The following TNPO1 variants were observed in gnomAD, a reference collection of about 807,000 sequenced individuals.
The protein encoded by TNPO1 is transportin-1.
TNPO1 carries 8 observed loss-of-function variants against 119.5 expected under a neutral mutation model. That is an observed-to-expected ratio of 0.07 (90% CI 0.04 to 0.12). The LOEUF (loss-of-function observed/expected upper bound fraction) is 0.12. TNPO1 is among the 10% of genes least tolerant of loss of function. The pLI, the probability that TNPO1 is intolerant of heterozygous loss-of-function variation, is 1.00. For missense variants in TNPO1, 576 were observed against 1,089.8 expected, an observed-to-expected ratio of 0.53 and a Z score of 6.64; for synonymous variants, 362 against 363.0, an observed-to-expected ratio of 1.00 and a Z score of 0.03.
intron 5 of TNPO1, among the ~76,000 whole-genome samples, 161 bp from the exon 6 acceptor site, chr5:72,865,435 C>T (rs1746807842): frequency 6.7e-6 from 1 of 149,544 alleles, no homozygotes; most frequent in Non-Finnish European, 1.5e-5. Flanking sequence ...AAGACTCCGT[C>T]TCAAAAAAAA....
chr5:72,868,962 C>T (rs556519467), intron 6 of TNPO1, among the ~76,000 whole-genome samples: 4 of 151,724 alleles, frequency 2.6e-5, no homozygotes, highest in South Asian at 4.2e-4. Context: ...GAGCCGAGAT[C>T]GTGCCATTGC....
intron 1 of TNPO1, among the ~76,000 whole-genome samples, chr5:72,834,140 G>A (rs1744592875): frequency 6.6e-6 from 1 of 151,938 alleles, no homozygotes; most frequent in Admixed American, 6.5e-5. Flanking sequence ...TGTCTGCGGT[G>A]GCCCTGGTGT....
intron 12 of TNPO1, 98 bp from the exon 13 acceptor site, chr5:72,887,980 A>G: frequency 8.6e-7 from 1 of 1,162,266 alleles, no homozygotes. Flanking sequence ...CAGTAGAAAT[A>G]TTCTGAATTT....
chr5:72,893,886 C>A (rs1236997640), intron 18 of TNPO1, among the ~76,000 whole-genome samples, 183 bp downstream of exon 18: 1 of 152,152 alleles, frequency 6.6e-6, no homozygotes, highest in Non-Finnish European at 1.5e-5. Context: ...CTAATATTTC[C>A]TTGAGCTTGC....
chr5:72,855,664 G>A (rs540469235), intron 3 of TNPO1, 110 bp from the exon 4 acceptor site: 14 of 869,778 alleles, frequency 1.6e-5, no homozygotes, highest in Non-Finnish European at 2.4e-5. Context: ...ACTGGTTATA[G>A]CAAGTTTGAA....
At chr5:72,860,053 A>G (rs1746311147) in intron 4 of TNPO1, among the ~76,000 whole-genome samples, 1 of 152,174 alleles carries the variant, frequency 6.6e-6, no homozygotes, top group Admixed American at 6.5e-5. Flanking sequence ...AATTCTTACT[A>G]TACAATTTAA....
At chr5:72,841,906 A>AT (rs1287395153) in intron 1 of TNPO1, among the ~76,000 whole-genome samples, 1 of 150,532 alleles carries the variant, frequency 6.6e-6, no homozygotes, top group Admixed American at 6.6e-5. Flanking sequence ...TATAAGAGAG[A>AT]TTTTCTGTGG....
Position 72,896,478 on chromosome 5 carries a change from G to A in TNPO1, c.2164G>A (p.Gly722Arg). ...PCIADFMPIL[G>R]TNLNPEFISV... is the part of the protein sequence containing the mutation. ...TCTAGCTGATTTCATGCCAATATTG[G>A]GAACCAACCTAAATCCAGAATTCAT... The change falls in exon 19 of 25, where the codon GGA becomes AGA. Residue 722 changes from glycine to arginine, a missense_variant. Around this residue, in one of 6 missense-constraint regions of TNPO1, gnomAD observed 162 missense variants for 294.1 expected, o/e 0.55. Transcript: ENST00000337273. 6.2e-7 allele frequency: 1 copy of A among 1,611,602 alleles called. No individual in the cohort carries two copies. The highest frequency in any genetic ancestry group is 8.5e-7 in the Non-Finnish European group (1 of 1,179,358).
chr5:72,907,189 A>T (rs564940936), intron 24 of TNPO1, among the ~76,000 whole-genome samples: 1 of 152,162 alleles, frequency 6.6e-6, no homozygotes, highest in South Asian at 2.1e-4. Flanking sequence ...CATTTTGGAA[A>T]AGTGCTGGAT....
intron 23 of TNPO1, among the ~76,000 whole-genome samples, chr5:72,904,561 C>A (rs546968221): frequency 6.6e-6 from 1 of 152,052 alleles, no homozygotes; most frequent in Non-Finnish European, 1.5e-5. Context: ...TTTGGGAGGC[C>A]GAGGCAGGTG....
chr5:72,818,861 CAG>C (rs1273473558), intron 1 of TNPO1, among the ~76,000 whole-genome samples: 1 of 152,186 alleles, frequency 6.6e-6, no homozygotes, highest in Admixed American at 6.5e-5. Context: ...GGATCAGAAA[CAG>C]TGAAATTCCC....
chr5:72,887,010 T>TA, intron 11 of TNPO1, 60 bp from the exon 12 acceptor site: 1 of 1,404,974 alleles, frequency 7.1e-7, no homozygotes, highest in Non-Finnish European at 9.5e-7. Flanking sequence ...ACATATACAA[T>TA]AAATAATATA....
intron 9 of TNPO1, among the ~76,000 whole-genome samples, chr5:72,881,846 A>C (rs1157321610): frequency 6.6e-6 from 1 of 152,176 alleles, no homozygotes; most frequent in East Asian, 1.9e-4. Flanking sequence ...TACCAGATAA[A>C]TATTCACTCT....
chr5:72,896,427 G>C (rs1328895456), intron 18 of TNPO1, 31 bp from the exon 19 acceptor site: 1 of 1,533,782 alleles, frequency 6.5e-7, no homozygotes, highest in African/African-American at 1.4e-5. Flanking sequence ...CTATTGAAAA[G>C]TTTACTACAT....
chr5:72,892,181 A>T (rs886453244), intron 15 of TNPO1, among the ~76,000 whole-genome samples: 1 of 152,040 alleles, frequency 6.6e-6, no homozygotes, highest in African/African-American at 2.4e-5. Flanking sequence ...ATATATATAT[A>T]TATCTTTTCA....
chr5:72,889,855 C>A lies in TNPO1; in HGVS notation c.1599C>A (p.Thr533=). 1.9e-6 allele frequency: 3 copies of A among 1,613,282 alleles called. No individual in the cohort carries two copies. The highest frequency in any genetic ancestry group is 2.5e-6 in the Non-Finnish European group (3 of 1,179,770). The change falls in exon 14 of 25, where the codon ACC becomes ACA. Residue 533 remains threonine (T), a synonymous_variant. Transcript: ENST00000337273. ...LVPYLAYILD[T]LVFAFSKYQH... ...CTTACCTTGCTTATATACTTGATAC[C>A]CTGGTCTTTGCATTTAGTAAATACC... is the stretch of plus-strand genomic sequence containing the variant.
At chr5:72,895,329 T>C (rs978377482) in intron 18 of TNPO1, among the ~76,000 whole-genome samples, 12 of 148,890 alleles carry the variant, frequency 8.1e-5, no homozygotes, top group African/African-American at 3.0e-4. Context: ...GTGTACTTAG[T>C]GTACATAGTG....
chr5:72,890,047 T>G (rs1400580726), intron 14 of TNPO1, 90 bp downstream of exon 14: 6 of 1,439,890 alleles, frequency 4.2e-6, no homozygotes, highest in Admixed American at 2.1e-5. Flanking sequence ...TAAGATGTTT[T>G]GGGAGATGTG....
chr5:72,853,033 C>A (rs1580395903), intron 3 of TNPO1, among the ~76,000 whole-genome samples: 1 of 152,150 alleles, frequency 6.6e-6, no homozygotes, highest in Non-Finnish European at 1.5e-5. Flanking sequence ...GCTGTCCACT[C>A]TCATGTTCTT....
Sources: gnomAD v4.1 joint callset for allele counts (sites outside exome capture counted in the v4.1 genomes callset) on GRCh38, gnomAD v4.1.1 for gene constraint, gnomAD v4.1.1 regional missense constraint, MANE v1.5 for transcripts, NCBI Gene and HGNC (gene_info 2026-07-23, HGNC 2026-07-21) for gene names.